MTMR7: variants seen among roughly 807,000 people sequenced by gnomAD.
MTMR7 encodes the protein phosphatidylinositol-3-phosphate phosphatase MTMR7.
MTMR7 carries 76 observed loss-of-function variants against 81.2 expected under a neutral mutation model. The ratio of observed to expected loss-of-function variants is 0.94; its 90% CI spans 0.78 to 1.13. The LOEUF (loss-of-function observed/expected upper bound fraction) is 1.13, where lower values mean the gene tolerates loss of function less well. Ranked by LOEUF, MTMR7 falls within the 50% of genes most tolerant of loss-of-function variation. MTMR7 has a pLI of 0.00. For synonymous variants in MTMR7, 372 were observed against 289.8 expected (o/e 1.28, Z -2.88); for missense variants, 1,044 against 820.0 (o/e 1.27, Z -3.34).
intron 7 of MTMR7, among the ~76,000 whole-genome samples, chr8:17,317,036 A>G (rs754738698): frequency 2.7e-4 from 41 of 152,270 alleles, no homozygotes; most frequent in African/African-American, 8.9e-4. Context: ...AGTTTTGCCA[A>G]TCTTATAATA....
At chr8:17,322,738 T>G (rs950031641) in intron 7 of MTMR7, among the ~76,000 whole-genome samples, 2 of 152,018 alleles carry the variant, frequency 1.3e-5, no homozygotes, top group African/African-American at 4.8e-5. Flanking sequence ...GGCAGGAGGA[T>G]CACTTGAGCC....
At chr8:17,388,496 G>A (rs951078303) in intron 1 of MTMR7, among the ~76,000 whole-genome samples, 2 of 152,140 alleles carry the variant, frequency 1.3e-5, no homozygotes, top group African/African-American at 2.4e-5. Flanking sequence ...GGGAGAACAA[G>A]ACCTTGCTTT....
intron 13 of MTMR7, among the ~76,000 whole-genome samples, chr8:17,301,034 C>CTGGGT (rs1817076182): frequency 6.6e-6 from 1 of 152,202 alleles, no homozygotes; most frequent in Admixed American, 6.5e-5. Flanking sequence ...TTATGGACAC[C>CTGGGT]TGGGTTGTTC....
chr8:17,352,999 A>G (rs1819773218), intron 4 of MTMR7, among the ~76,000 whole-genome samples: 1 of 152,188 alleles, frequency 6.6e-6, no homozygotes, highest in African/African-American at 2.4e-5. Context: ...TTGCACAACC[A>G]TATCCGCAGA....
intron 1 of MTMR7, among the ~76,000 whole-genome samples, chr8:17,402,415 C>T (rs909500817): frequency 6.6e-6 from 1 of 152,192 alleles, no homozygotes; most frequent in Non-Finnish European, 1.5e-5. Context: ...GACCCCACTA[C>T]CTTCCCCAGC....
At chr8:17,348,926 A>G (rs1290262338) in intron 5 of MTMR7, 27 bp downstream of exon 5, 62 of 1,613,342 alleles carry the variant, frequency 3.8e-5, no homozygotes, top group Non-Finnish European at 4.7e-5. Flanking sequence ...AGCAAAGTGT[A>G]AAACAAAAAC....
chr8:17,373,913 CAT>C (rs1365827336), intron 1 of MTMR7, among the ~76,000 whole-genome samples: 2 of 152,184 alleles, frequency 1.3e-5, no homozygotes, highest in Non-Finnish European at 2.9e-5. Context: ...ATTTTAAGGA[CAT>C]GTGCACTGAG....
At chr8:17,401,733 T>C (rs908476421) in intron 1 of MTMR7, among the ~76,000 whole-genome samples, 2 of 152,120 alleles carry the variant, frequency 1.3e-5, no homozygotes, top group African/African-American at 4.8e-5. Context: ...TCCAAAGTTA[T>C]TGGCTCCAGC....
In MTMR7 at chr8:17,298,064, T is replaced by TAGAC. The variant is rs1230755074; in HGVS notation, c.*1794_*1797dup. On this transcript the variant is annotated 3_prime_UTR_variant, in exon 14 of 14. Coordinates refer to ENST00000180173, the MANE Select transcript of MTMR7 (RefSeq NM_004686.5). ...TTTTAAAAAATGTTTATTGTTTTTA[T>TAGAC]AGACATACACTGTCAAACGGAAGAA... The TAGAC allele has an allele frequency of 1.3e-5, 2 of 152,070 alleles. No homozygotes were observed. Among genetic ancestry groups the TAGAC allele is most frequent in the South Asian group, 2.1e-4 (1 of 4,834 alleles). 9.4% of individuals were successfully genotyped at this position (152,070 alleles called of 1,614,324 possible). A position where few individuals can be genotyped will look rare whatever the true frequency, so the allele number is the denominator to read the frequency against.
At chr8:17,320,917 A>C (rs886648522) in intron 7 of MTMR7, among the ~76,000 whole-genome samples, 3 of 152,162 alleles carry the variant, frequency 2.0e-5, no homozygotes, top group Admixed American at 2.0e-4. Flanking sequence ...CTTAATCCTA[A>C]AATACACACA....
intron 1 of MTMR7, among the ~76,000 whole-genome samples, chr8:17,378,985 T>C (rs1820677969): frequency 6.6e-6 from 1 of 152,080 alleles, no homozygotes; most frequent in Admixed American, 6.6e-5. Flanking sequence ...GAAAGCCCAA[T>C]GTTTAAAGGT....
chr8:17,364,950 C>T (rs1357123758), intron 3 of MTMR7, among the ~76,000 whole-genome samples: 2 of 152,208 alleles, frequency 1.3e-5, no homozygotes, highest in African/African-American at 4.8e-5. Context: ...ATTGTGGAAT[C>T]ATACGATAAT....
intron 13 of MTMR7, 151 bp from the exon 14 acceptor site, chr8:17,300,375 G>C: frequency 1.3e-6 from 1 of 796,452 alleles, no homozygotes; most frequent in Non-Finnish European, 1.9e-6. Flanking sequence ...TGGACTTCAC[G>C]ACCTTGGACA....
chr8:17,402,232 G>T (rs1015259760), intron 1 of MTMR7, among the ~76,000 whole-genome samples: 2 of 151,962 alleles, frequency 1.3e-5, no homozygotes, highest in African/African-American at 4.8e-5. Flanking sequence ...TTTATTCTTT[G>T]TGTTACAAAC....
intron 1 of MTMR7, among the ~76,000 whole-genome samples, chr8:17,379,595 C>T (rs189838460): frequency 3.3e-5 from 5 of 152,248 alleles, no homozygotes; most frequent in Admixed American, 1.3e-4. Context: ...AACAAACTTT[C>T]GCCCCCAGCT....
intron 1 of MTMR7, among the ~76,000 whole-genome samples, chr8:17,403,420 T>G (rs1047534622): frequency 1.3e-5 from 2 of 152,250 alleles, no homozygotes; most frequent in Non-Finnish European, 2.9e-5. Flanking sequence ...TTTCTTTTTC[T>G]GTTCCAGCGG....
Position 17,305,753 on chromosome 8 carries a change from T to A in MTMR7, c.1352+4A>T. ...TTAAACACCAAAAACACCAAAACAC[T>A]TACTTGAGTTCTCGTCTCTCCTTTT... is the stretch of plus-strand genomic sequence containing the variant. On this transcript the variant is annotated splice_donor_region_variant and intron_variant, in intron 11 of 13. Transcript: ENST00000180173. 1.2e-6 allele frequency: 2 copies of A among 1,602,864 alleles called. No homozygotes were observed. Among genetic ancestry groups the A allele is most frequent in the Non-Finnish European group, 1.7e-6 (2 of 1,171,048 alleles).
At chr8:17,351,221 C>G (rs1356363439) in intron 4 of MTMR7, among the ~76,000 whole-genome samples, 1 of 152,234 alleles carries the variant, frequency 6.6e-6, no homozygotes, top group African/African-American at 2.4e-5. Flanking sequence ...CACTAAGGAA[C>G]TGCAAAGTTT....
intron 1 of MTMR7, among the ~76,000 whole-genome samples, chr8:17,377,207 G>T (rs12541691): frequency 6.6e-6 from 1 of 151,850 alleles, no homozygotes; most frequent in Non-Finnish European, 1.5e-5. Context: ...AACAAGTATA[G>T]TACTTCTTTA....
Sources: allele counts gnomAD v4.1 joint callset (sites outside exome capture counted in the v4.1 genomes callset), GRCh38; gene constraint gnomAD v4.1.1; transcripts MANE v1.5; gene names NCBI Gene and HGNC (gene_info 2026-07-23, HGNC 2026-07-21).